RABGAP1: variants seen among roughly 807,000 people sequenced by gnomAD.
RABGAP1 encodes the protein RAB GTPase activating protein 1, also known as rab GTPase-activating protein 1.
Under a neutral mutation model 137.6 loss-of-function variants are expected in RABGAP1, and 23 were observed. The ratio of observed to expected loss-of-function variants is 0.17; its 90% CI spans 0.12 to 0.24. RABGAP1 has a LOEUF of 0.24. Ranked by LOEUF, RABGAP1 falls within the 10% of genes least tolerant of loss-of-function variation. The pLI is 1.00. For missense variants in RABGAP1, 906 were observed against 1,275.8 expected, an observed-to-expected ratio of 0.71 and a Z score of 4.42; for synonymous variants, 451 against 450.7, an observed-to-expected ratio of 1.00 and a Z score of -0.01.
chr9:122,997,024 T>G (rs1837055668), intron 8 of RABGAP1: 2 of 594,330 alleles, frequency 3.4e-6, no homozygotes, highest in Non-Finnish European at 6.1e-6. Flanking sequence ...ATTTAGGTTG[T>G]GGATTTTCTT....
At chr9:123,046,710 A>C (rs374064086) in intron 13 of RABGAP1, among the ~76,000 whole-genome samples, 1 of 152,232 alleles carries the variant, frequency 6.6e-6, no homozygotes, top group African/African-American at 2.4e-5. Flanking sequence ...GTATGGATGA[A>C]GCAGAAGTTT....
Position 123,074,490 on chromosome 9 carries a change from T to G in RABGAP1, c.2253+62T>G, listed in dbSNP as rs1468130179. On this transcript the variant is annotated intron_variant, in intron 17 of 25. Coordinates refer to ENST00000373647, the MANE Select transcript of RABGAP1 (RefSeq NM_012197.4). The stretch of plus-strand genomic sequence containing the variant: ...TGCAGTGTACTTGAGGAGAACAGAT[T>G]CTGTTTTGAGTGTCAGCTCTGTCAA... 1.8e-5 allele frequency: 26 copies of G among 1,478,202 alleles called. No homozygotes were observed. In the Admixed American group the frequency reaches 5.6e-4, roughly 32 times the overall value. 91.6% of individuals were successfully genotyped at this position (1,478,202 alleles called of 1,614,324 possible).
chr9:123,100,492 G>A (rs2035313495), intron 24 of RABGAP1, among the ~76,000 whole-genome samples: 1 of 150,674 alleles, frequency 6.6e-6, no homozygotes, highest in Non-Finnish European at 1.5e-5. Flanking sequence ...GCGCCATCTC[G>A]GCTCACTGCA....
intron 13 of RABGAP1, chr9:123,035,476 T>C: frequency 1.2e-6 from 2 of 1,614,168 alleles, no homozygotes; most frequent in African/African-American, 1.3e-5. Context: ...CTGTGTAATT[T>C]ATAGTCTCTC....
At chr9:122,960,874 C>A (rs1834815435) in intron 2 of RABGAP1, among the ~76,000 whole-genome samples, 1 of 152,062 alleles carries the variant, frequency 6.6e-6, no homozygotes, top group South Asian at 2.1e-4. Flanking sequence ...TGGAACATCA[C>A]AGTAACTGAA....
intron 19 of RABGAP1, among the ~76,000 whole-genome samples, chr9:123,079,415 T>A (rs1386036573): frequency 4.6e-5 from 7 of 151,996 alleles, no homozygotes; most frequent in Non-Finnish European, 1.0e-4. Context: ...TTTTTTGTAT[T>A]TTTGGTAGAG....
At chr9:123,077,727 T>C (rs1482689200) in intron 19 of RABGAP1, among the ~76,000 whole-genome samples, 2 of 151,276 alleles carry the variant, frequency 1.3e-5, no homozygotes, top group African/African-American at 4.8e-5. Flanking sequence ...AGACAGGGTC[T>C]CACTCTTGTT....
intron 21 of RABGAP1, among the ~76,000 whole-genome samples, chr9:123,092,036 G>A (rs700076): frequency 0.62 from 94,809 of 151,880 alleles, 36,703 homozygotes; most frequent in Non-Finnish European, 0.86. Flanking sequence ...GCAGAAAGGA[G>A]GAAAAAAAGG....
At chr9:122,944,441 G>C (rs1433392155) in intron 1 of RABGAP1, among the ~76,000 whole-genome samples, 1 of 152,074 alleles carries the variant, frequency 6.6e-6, no homozygotes, top group Non-Finnish European at 1.5e-5. Flanking sequence ...TGTGGCCCAA[G>C]CTGTTATCAA....
intron 13 of RABGAP1, among the ~76,000 whole-genome samples, chr9:123,029,122 A>G (rs1180132571): frequency 6.6e-6 from 1 of 152,108 alleles, no homozygotes; most frequent in Non-Finnish European, 1.5e-5. Context: ...GGGGAAAAAG[A>G]TGCTATTTAA....
intron 13 of RABGAP1, among the ~76,000 whole-genome samples, chr9:123,039,229 A>G (rs1271418607): frequency 6.6e-6 from 1 of 152,186 alleles, no homozygotes; most frequent in East Asian, 1.9e-4. Flanking sequence ...GAAGAGAAGC[A>G]AAATAAATGC....
rs545074922 is a variant in RABGAP1 at position 122,955,631 on chromosome 9, G to T, written c.-49-1380G>T. Among the ~76,000 whole-genome samples, 12 of 149,792 alleles carry T rather than the reference G, an allele frequency of 8.0e-5. No homozygotes were observed. The South Asian group carries it at 1.9e-3, about 24-fold the overall frequency. On this transcript the variant is annotated intron_variant, in intron 1 of 25. Coordinates refer to ENST00000373647, the MANE Select transcript of RABGAP1 (RefSeq NM_012197.4). ...TTTATCTAACAGTATTGATTTGTAA[G>T]TTTTTTTTTTCCTACTTTTTACTCT...
Position 123,070,391 on chromosome 9 carries a change from C to T in RABGAP1, c.1950C>T (p.Gly650=), listed in dbSNP as rs750791338. Residue 650 remains glycine (G), a synonymous_variant, in exon 15 of 26, where the codon GGC becomes GGT. Coordinates refer to ENST00000373647, the MANE Select transcript of RABGAP1 (RefSeq NM_012197.4). The surrounding 1 kb of genome is among the most constrained non-coding windows in gnomAD (Gnocchi z 4.4). ...ATGAAGAGATTGGTTATTGCCAGGG[C>T]CAGTCATTTCTTGCTGCTGTGCTCC... ...VYDEEIGYCQ[G]QSFLAAVLLL... The T allele has an allele frequency of 2.5e-6, 4 of 1,613,946 alleles. No individual in the cohort carries two copies. The African/African-American group carries it at 5.3e-5, about 22-fold the overall frequency.
chr9:123,048,038 C>G (rs1236402176), intron 13 of RABGAP1, among the ~76,000 whole-genome samples: 1 of 144,484 alleles, frequency 6.9e-6, no homozygotes, highest in East Asian at 2.0e-4. Context: ...CTCCCAGGTT[C>G]AAGCGATTCT....
At position 122,944,493 on chromosome 9, in the gene RABGAP1, G is replaced by C. The variant is rs1304522900; in HGVS notation, c.-50+3400G>C. 4.0e-5 allele frequency among the ~76,000 whole-genome samples: 6 copies of C among 151,496 alleles called. No individual in the cohort carries two copies. The South Asian group carries it at 1.3e-3, about 32-fold the overall frequency. On this transcript the variant is annotated intron_variant, in intron 1 of 25. Transcript: ENST00000373647. ...AATCCTCCCACTCTGGCCTCCCAACGTGACAACACTCTTAAATAATCTTTG... is the reference window on the plus strand; with the variant it reads ...AATCCTCCCACTCTGGCCTCCCAACCTGACAACACTCTTAAATAATCTTTG...
chr9:122,999,277 G>T (rs1327986485), intron 10 of RABGAP1, among the ~76,000 whole-genome samples: 1 of 151,996 alleles, frequency 6.6e-6, no homozygotes, highest in Non-Finnish European at 1.5e-5. Context: ...TCCGCCTCCC[G>T]GGTTCAAGTG....
At chr9:123,087,031 C>G (rs2034887626) in intron 19 of RABGAP1, among the ~76,000 whole-genome samples, 1 of 152,004 alleles carries the variant, frequency 6.6e-6, no homozygotes, top group African/African-American at 2.4e-5. Context: ...AAAGAAACAC[C>G]CATATCCTAT....
At chr9:123,075,320 A>G (rs1182519920) in intron 17 of RABGAP1, among the ~76,000 whole-genome samples, 3 of 152,132 alleles carry the variant, frequency 2.0e-5, no homozygotes, top group South Asian at 2.1e-4. Context: ...TCCTATGTGT[A>G]TATTTAAAAA....
At chr9:123,016,915 T>C (rs551633306) in intron 12 of RABGAP1, among the ~76,000 whole-genome samples, 1 of 152,298 alleles carries the variant, frequency 6.6e-6, no homozygotes, top group African/African-American at 2.4e-5. Flanking sequence ...CTTTACACTT[T>C]TGACAAAACA....
Sources: gnomAD v4.1 joint callset for allele counts (sites outside exome capture counted in the v4.1 genomes callset) on GRCh38, gnomAD v4.1.1 for gene constraint, Gnocchi (gnomAD v3.1) non-coding constraint, MANE v1.5 for transcripts, NCBI Gene and HGNC (gene_info 2026-07-23, HGNC 2026-07-21) for gene names.